DDI2: variants seen among roughly 807,000 people sequenced by gnomAD.
DDI2 encodes the protein protein DDI1 homolog 2.
Under a neutral mutation model 48.1 loss-of-function variants are expected in DDI2, and 5 were observed. That is an observed-to-expected ratio of 0.10 (90% CI 0.05 to 0.22). The LOEUF (loss-of-function observed/expected upper bound fraction) is 0.22, where lower values mean the gene tolerates loss of function less well. DDI2 is among the 10% of genes least tolerant of loss of function. The pLI is 1.00. For missense variants in DDI2, 285 were observed against 506.2 expected, an observed-to-expected ratio of 0.56 and a Z score of 4.19; for synonymous variants, 205 against 183.6, an observed-to-expected ratio of 1.12 and a Z score of -0.94.
chr1:15,647,059 A>C (rs1480187899), intron 6 of DDI2, among the ~76,000 whole-genome samples: 1 of 152,208 alleles, frequency 6.6e-6, no homozygotes, highest in Non-Finnish European at 1.5e-5. Context: ...TGTCACCATG[A>C]ATTTCAAAAG....
Position 15,660,778 on chromosome 1 carries a change from T to G in DDI2, c.*988T>G. 6.2e-7 allele frequency: 1 copy of G among 1,613,962 alleles called. No individual in the cohort carries two copies. The highest frequency in any genetic ancestry group is 2.2e-5 in the East Asian group (1 of 44,888). Reference sequence around the variant, plus strand: ...CCCTTCATCTGAAATTTTGAATGATTCCATTTCCACTCAGGATTTACAGCC... The same window carrying G: ...CCCTTCATCTGAAATTTTGAATGATGCCATTTCCACTCAGGATTTACAGCC... On this transcript the variant is annotated 3_prime_UTR_variant, in exon 10 of 10. Transcript: ENST00000480945.
At chr1:15,650,998 G>C (rs1640170297) in intron 7 of DDI2, among the ~76,000 whole-genome samples, 1 of 152,040 alleles carries the variant, frequency 6.6e-6, no homozygotes, top group Admixed American at 6.6e-5. Context: ...GGGACTACAG[G>C]CACCCATCAC....
chr1:15,657,486 TCTC>T (rs1199919090), intron 9 of DDI2, among the ~76,000 whole-genome samples: 2 of 152,218 alleles, frequency 1.3e-5, no homozygotes, highest in East Asian at 1.9e-4. Context: ...CTCATCCTCT[TCTC>T]CTGTCATTCT....
chr1:15,617,526 G>C lies in DDI2; in HGVS notation c.-145G>C, dbSNP rs1313085397. On this transcript the variant is annotated 5_prime_UTR_variant, in exon 1 of 10. Transcript: ENST00000480945. ...AGGGCGGGAGGGAGTGACTCACTGA[G>C]CGTGTGTGAGGGAGGGAGCGAGCGA... The C allele has an allele frequency of 3.7e-6, 2 of 539,262 alleles. No individual in the cohort carries two copies. Among genetic ancestry groups the C allele is most frequent in the Non-Finnish European group, 5.5e-6 (2 of 360,880 alleles). The allele number at this position is 539,262 out of a possible 1,614,324, so 33.4% of individuals were successfully genotyped here.
At chr1:15,619,458 T>C (rs930214189) in intron 1 of DDI2, among the ~76,000 whole-genome samples, 3 of 149,828 alleles carry the variant, frequency 2.0e-5, no homozygotes, top group African/African-American at 7.4e-5. Context: ...GCTTTTTCTT[T>C]TCTTTTCTTT....
chr1:15,637,747 AT>A (rs959029268), intron 4 of DDI2, among the ~76,000 whole-genome samples: 1 of 151,838 alleles, frequency 6.6e-6, no homozygotes, highest in African/African-American at 2.4e-5. Context: ...GATGGGTGCA[AT>A]TTTTTTGTAG....
intron 9 of DDI2, among the ~76,000 whole-genome samples, chr1:15,657,610 G>A (rs999696419): frequency 7.9e-5 from 12 of 152,138 alleles, no homozygotes; most frequent in African/African-American, 2.9e-4. Context: ...CATTGAGGGT[G>A]TGTTCACCTT....
intron 6 of DDI2, among the ~76,000 whole-genome samples, chr1:15,646,602 G>A (rs1267806337): frequency 2.0e-5 from 3 of 152,012 alleles, no homozygotes; most frequent in Non-Finnish European, 4.4e-5. Context: ...CAGGAGAATC[G>A]CTTGAACCTG....
chr1:15,626,956 T>A, intron 2 of DDI2, 158 bp downstream of exon 2: 1 of 952,076 alleles, frequency 1.1e-6, no homozygotes, highest in Non-Finnish European at 1.5e-6. Context: ...AGTATTTTAA[T>A]GTCTCTAAAT....
chr1:15,646,716 A>C (rs1640098091), intron 6 of DDI2, among the ~76,000 whole-genome samples: 1 of 152,178 alleles, frequency 6.6e-6, no homozygotes, highest in African/African-American at 2.4e-5. Context: ...TGTGCCTTAG[A>C]CAAAACCCAA....
chr1:15,630,629 G>T lies in DDI2; in HGVS notation c.505+68G>T. The T allele has an allele frequency of 2.8e-6, 3 of 1,087,830 alleles. No individual in the cohort carries two copies. The South Asian group carries it at 3.8e-5, about 14-fold the overall frequency. The allele number at this position is 1,087,830 out of a possible 1,614,324, so 67.4% of individuals were successfully genotyped here. On this transcript the variant is annotated intron_variant, in intron 3 of 9. Coordinates refer to ENST00000480945, the MANE Select transcript of DDI2 (RefSeq NM_032341.5). Reference sequence around the variant, plus strand: ...GAAGAAGCTGTGTCATAGCAAATGTGAAGAGACTCAAGCGACACTGTGTCA... The same window carrying T: ...GAAGAAGCTGTGTCATAGCAAATGTTAAGAGACTCAAGCGACACTGTGTCA...
Position 15,661,512 on chromosome 1 carries a change from G to A in DDI2, c.*1722G>A, listed in dbSNP as rs1363316475. 1.2e-6 allele frequency: 2 copies of A among 1,614,042 alleles called. No homozygotes were observed. Among genetic ancestry groups the A allele is most frequent in the Non-Finnish European group, 1.7e-6 (2 of 1,180,008 alleles). On this transcript the variant is annotated 3_prime_UTR_variant, in exon 10 of 10. Coordinates refer to ENST00000480945, the MANE Select transcript of DDI2 (RefSeq NM_032341.5). ...AAAATGTCTGTCCTGATGCTTCGAG[G>A]CCATTACTTGAATATGAACCACCTA...
At chr1:15,625,907 G>C (rs543929768) in intron 1 of DDI2, among the ~76,000 whole-genome samples, 4 of 152,218 alleles carry the variant, frequency 2.6e-5, no homozygotes, top group African/African-American at 9.7e-5. Flanking sequence ...GTGAGCCAGC[G>C]TGCCCGGCCC....
intron 6 of DDI2, among the ~76,000 whole-genome samples, chr1:15,649,409 A>G (rs3979448): frequency 0.4 from 59,351 of 146,896 alleles, 14,643 homozygotes; most frequent in African/African-American, 0.71. Flanking sequence ...GGTGGCTCAT[A>G]CCTGTAATCC....
At chr1:15,638,236 T>C in intron 4 of DDI2, 71 bp from the exon 5 acceptor site, 2 of 1,600,176 alleles carry the variant, frequency 1.2e-6, no homozygotes, top group Non-Finnish European at 8.5e-7. Flanking sequence ...TTTTTTAATA[T>C]TGTGACTTTG....
At chr1:15,649,063 A>G (rs1640134985) in intron 6 of DDI2, among the ~76,000 whole-genome samples, 1 of 151,846 alleles carries the variant, frequency 6.6e-6, no homozygotes, top group African/African-American at 2.4e-5. Context: ...GCGAGACTCA[A>G]TCTCTACAAA....
intron 1 of DDI2, among the ~76,000 whole-genome samples, chr1:15,626,379 C>T (rs969191561): frequency 6.6e-6 from 1 of 152,166 alleles, no homozygotes; most frequent in African/African-American, 2.4e-5. Context: ...GGAAAAAGAA[C>T]ATTCCTCAGG....
intron 2 of DDI2, 88 bp downstream of exon 2, chr1:15,626,886 A>G: frequency 6.6e-7 from 1 of 1,521,266 alleles, no homozygotes. Context: ...TTCGCTTTGG[A>G]TTCAGACTAC....
chr1:15,622,604 G>T lies in DDI2; in HGVS notation c.139-4065G>T, dbSNP rs373850038. 2.2e-4 allele frequency among the ~76,000 whole-genome samples: 33 copies of T among 152,144 alleles called. No homozygotes were observed. The South Asian group carries it at 6.6e-3, about 31-fold the overall frequency. ...ATAACTGGCAAAACTTGAATTTTGGGCTTTGTAGCTGTTGAGTTGGGTAAC... is the reference window on the plus strand; with the variant it reads ...ATAACTGGCAAAACTTGAATTTTGGTCTTTGTAGCTGTTGAGTTGGGTAAC... On this transcript the variant is annotated intron_variant, in intron 1 of 9. Transcript: ENST00000480945.
Sources: allele counts gnomAD v4.1 joint callset (sites outside exome capture counted in the v4.1 genomes callset), GRCh38; gene constraint gnomAD v4.1.1; transcripts MANE v1.5; gene names NCBI Gene and HGNC (gene_info 2026-07-23, HGNC 2026-07-21).